SDK1: variants seen among roughly 807,000 people sequenced by gnomAD.
The protein encoded by SDK1 is sidekick cell adhesion molecule 1, also known as protein sidekick-1.
In SDK1, 157 loss-of-function variants were observed where a neutral mutation model predicts 245.5. The observed-to-expected ratio is 0.64, with a 90% CI of 0.56 to 0.73. SDK1 has a LOEUF of 0.73. Among genes scored for constraint, SDK1 ranks in the 30% least tolerant of loss-of-function variants. The pLI, the probability that SDK1 is intolerant of heterozygous loss-of-function variation, is 0.00. For synonymous variants in SDK1, 1,647 were observed against 1,278.5 expected (o/e 1.29, Z -6.15); for missense variants, 3,583 against 3,002.3 (o/e 1.19, Z -4.52).
At chr7:3,452,573 G>A (rs1394568788) in intron 1 of SDK1, among the ~76,000 whole-genome samples, 2 of 152,140 alleles carry the variant, frequency 1.3e-5, no homozygotes, top group Non-Finnish European at 2.9e-5. Context: ...ACTTAATTTT[G>A]TGTACACTTT....
At chr7:3,540,722 C>G (rs1341168255) in intron 1 of SDK1, among the ~76,000 whole-genome samples, 2 of 152,134 alleles carry the variant, frequency 1.3e-5, no homozygotes, top group Non-Finnish European at 2.9e-5. Flanking sequence ...TTGGACCAAA[C>G]TTGCTTTTAA....
At chr7:3,506,632 C>G (rs1782400692) in intron 1 of SDK1, among the ~76,000 whole-genome samples, 2 of 151,974 alleles carry the variant, frequency 1.3e-5, no homozygotes, top group Non-Finnish European at 2.9e-5. Flanking sequence ...GTGTTTATTT[C>G]TTACAGTCTT....
chr7:3,647,455 C>T (rs1487709309), intron 4 of SDK1, among the ~76,000 whole-genome samples: 2 of 152,204 alleles, frequency 1.3e-5, no homozygotes, highest in Non-Finnish European at 2.9e-5. Context: ...CAGTCTTGCT[C>T]TGTCTCCCAT....
At chr7:3,611,735 T>C (rs1015574180) in intron 1 of SDK1, among the ~76,000 whole-genome samples, 1 of 152,168 alleles carries the variant, frequency 6.6e-6, no homozygotes, top group Non-Finnish European at 1.5e-5. Flanking sequence ...TGAAAAATTA[T>C]GGCTATTGAT....
chr7:3,607,149 C>T (rs1273890853), intron 1 of SDK1, among the ~76,000 whole-genome samples: 2 of 151,612 alleles, frequency 1.3e-5, no homozygotes, highest in African/African-American at 4.8e-5. Flanking sequence ...CAAAGGAAGG[C>T]CCTTTTTTTT....
chr7:3,736,592 C>A (rs994088148), intron 4 of SDK1, among the ~76,000 whole-genome samples: 2 of 152,154 alleles, frequency 1.3e-5, no homozygotes, highest in Non-Finnish European at 2.9e-5. Context: ...TTCTTTTTAG[C>A]TGCTATCCCC....
chr7:3,869,992 G>C (rs1040251987), intron 5 of SDK1, among the ~76,000 whole-genome samples: 2 of 152,154 alleles, frequency 1.3e-5, no homozygotes, highest in Non-Finnish European at 2.9e-5. Flanking sequence ...GATTTATTTA[G>C]GATCATCCAT....
At chr7:4,052,061 A>T (rs944805806) in intron 19 of SDK1, among the ~76,000 whole-genome samples, 2 of 152,006 alleles carry the variant, frequency 1.3e-5, no homozygotes, top group African/African-American at 2.4e-5. Context: ...AGCTCTGGGG[A>T]CAGGGGGTGG....
intron 12 of SDK1, among the ~76,000 whole-genome samples, chr7:3,972,594 T>C (rs942309109): frequency 6.6e-6 from 1 of 152,270 alleles, no homozygotes; most frequent in East Asian, 1.9e-4. Flanking sequence ...ATCAGAGTAT[T>C]TCCACTCTGG....
In SDK1 at chr7:3,755,936, A is replaced by T. The variant is rs115157474; in HGVS notation, c.714-65514A>T. 7.7e-3 allele frequency among the ~76,000 whole-genome samples: 1,175 copies of T among 151,930 alleles called. 16 individuals carry two copies. The highest frequency in any genetic ancestry group is 0.027 in the African/African-American group (1,105 of 41,424). On this transcript the variant is annotated intron_variant, in intron 4 of 44. Coordinates refer to ENST00000404826, the MANE Select transcript of SDK1 (RefSeq NM_152744.4). ...ATGGCATAGCACGTGTGACACATGT[A>T]TATCGTTTTAACTCTGACTCCTTTC...
At chr7:3,588,158 G>C (rs1780750819) in intron 1 of SDK1, among the ~76,000 whole-genome samples, 1 of 152,136 alleles carries the variant, frequency 6.6e-6, no homozygotes, top group African/African-American at 2.4e-5. Context: ...GAAATTAAGT[G>C]ACTTATTATA....
chr7:3,625,236 G>T (rs753257977), intron 2 of SDK1, among the ~76,000 whole-genome samples: 3 of 152,078 alleles, frequency 2.0e-5, no homozygotes, highest in Non-Finnish European at 2.9e-5. Flanking sequence ...CCAGGAGAAA[G>T]TACAAAAGCA....
intron 1 of SDK1, among the ~76,000 whole-genome samples, chr7:3,609,112 AT>A (rs1781510166): frequency 6.6e-6 from 1 of 152,200 alleles, no homozygotes; most frequent in Admixed American, 6.5e-5. Context: ...TGTCTTTTGT[AT>A]TAATAATGTA....
intron 35 of SDK1, among the ~76,000 whole-genome samples, chr7:4,188,809 A>G (rs1002716190): frequency 1.9e-4 from 29 of 152,054 alleles, no homozygotes; most frequent in African/African-American, 2.4e-4. Context: ...GAAACCATCT[A>G]TTGATTTTTA....
intron 4 of SDK1, among the ~76,000 whole-genome samples, chr7:3,768,291 C>T (rs1780311738): frequency 6.6e-6 from 1 of 152,202 alleles, no homozygotes; most frequent in Non-Finnish European, 1.5e-5. Flanking sequence ...AGAGCATAGA[C>T]ATGGCCCGCA....
In SDK1 at chr7:4,265,128, C is replaced by T. The variant is rs1157642354; in HGVS notation, c.6386C>T (p.Thr2129Met). 4.3e-6 allele frequency: 7 copies of T among 1,611,240 alleles called. No homozygotes were observed. The South Asian group carries it at 5.5e-5, about 13-fold the overall frequency. ...KSADASESEA[T>M]DSDYEDALPK... ...CTTCTCTCCCGCTCCCCGCAGGCCA[C>T]GGACTCTGACTACGAGGACGCGCTG... The change falls in exon 45 of 45, where the codon ACG (threonine) becomes ATG (methionine). Residue 2129 changes from threonine to methionine, a missense_variant. Coordinates refer to ENST00000404826, the MANE Select transcript of SDK1 (RefSeq NM_152744.4).
At chr7:4,042,613 C>G (rs1788713817) in intron 17 of SDK1, among the ~76,000 whole-genome samples, 1 of 92,186 alleles carries the variant, frequency 1.1e-5, no homozygotes, top group Non-Finnish European at 2.0e-5. Context: ...CAGCAAGGGT[C>G]TAATGCTAAT....
intron 1 of SDK1, among the ~76,000 whole-genome samples, chr7:3,454,828 C>A (rs1780624139): frequency 6.6e-6 from 1 of 152,106 alleles, no homozygotes; most frequent in African/African-American, 2.4e-5. Flanking sequence ...CATCACTTTC[C>A]ATTTCTCTAG....
chr7:3,595,905 G>A (rs2128637028), intron 1 of SDK1, among the ~76,000 whole-genome samples: 1 of 141,164 alleles, frequency 7.1e-6, no homozygotes, highest in Non-Finnish European at 1.5e-5. Flanking sequence ...CTAGTTACTA[G>A]TCAACACTAA....
Sources: gnomAD v4.1 joint callset for allele counts (sites outside exome capture counted in the v4.1 genomes callset) on GRCh38, gnomAD v4.1.1 for gene constraint, MANE v1.5 for transcripts, NCBI Gene and HGNC (gene_info 2026-07-23, HGNC 2026-07-21) for gene names.